Variants in MATCAP2 observed in about 807,000 individuals in gnomAD.
MATCAP2 encodes the protein microtubule associated tyrosine carboxypeptidase 2, also known as putative tyrosine carboxypeptidase MATCAP2.
the MATCAP2 span, chr7:36,336,421 G>T: frequency 1.3e-6 from 1 of 796,414 alleles, no homozygotes; most frequent in Non-Finnish European, 1.9e-6. Context: ...AACTGCAACT[G>T]AAGTGCCAAA....
chr7:36,368,726 C>A, the MATCAP2 span, among the ~76,000 whole-genome samples: 1 of 152,196 alleles, frequency 6.6e-6, no homozygotes, highest in African/African-American at 2.4e-5. Context: ...CTCCTGTCAC[C>A]TCTTTGATCT....
the MATCAP2 span, among the ~76,000 whole-genome samples, chr7:36,357,883 T>C: frequency 6.6e-6 from 1 of 152,186 alleles, no homozygotes; most frequent in African/African-American, 2.4e-5. Flanking sequence ...ATAAATAATC[T>C]GAATACTTGA....
At chr7:36,331,539 A>G in the MATCAP2 span, among the ~76,000 whole-genome samples, 10 of 152,202 alleles carry the variant, frequency 6.6e-5, no homozygotes, top group African/African-American at 2.4e-4. Context: ...AACTCCTGGT[A>G]TTTAGAATAT....
At chr7:36,359,233 T>G in the MATCAP2 span, among the ~76,000 whole-genome samples, 1 of 152,196 alleles carries the variant, frequency 6.6e-6, no homozygotes, top group Non-Finnish European at 1.5e-5. Context: ...TAGAGACATT[T>G]TGGTTGTCAC....
the MATCAP2 span, among the ~76,000 whole-genome samples, chr7:36,353,363 T>A: frequency 7.2e-5 from 11 of 152,190 alleles, no homozygotes; most frequent in Admixed American, 2.0e-4. Flanking sequence ...GAGAGTAAGC[T>A]GTTCATGAAA....
chr7:36,367,940 C>T, the MATCAP2 span, among the ~76,000 whole-genome samples: 2 of 151,884 alleles, frequency 1.3e-5, no homozygotes, highest in African/African-American at 4.8e-5. Flanking sequence ...TGGCACACTT[C>T]TGTAGTCCCA....
the MATCAP2 span, among the ~76,000 whole-genome samples, chr7:36,360,685 T>C: frequency 5.3e-5 from 8 of 152,196 alleles, no homozygotes; most frequent in African/African-American, 9.6e-5. Context: ...ACCTAAGAGA[T>C]TGTTTTTGTA....
chr7:36,343,817 T>C, the MATCAP2 span, among the ~76,000 whole-genome samples: 1 of 151,824 alleles, frequency 6.6e-6, no homozygotes, highest in Non-Finnish European at 1.5e-5. Flanking sequence ...ATATGGCTAA[T>C]ATGAAGTCTG....
At chr7:36,343,563 G>A in the MATCAP2 span, among the ~76,000 whole-genome samples, 4 of 58,330 alleles carry the variant, frequency 6.9e-5, no homozygotes, top group Non-Finnish European at 1.4e-4. Context: ...GGAAGGGAAG[G>A]GAGAGGGAGA....
the MATCAP2 span, among the ~76,000 whole-genome samples, chr7:36,329,208 A>C: frequency 6.6e-6 from 1 of 152,222 alleles, no homozygotes; most frequent in Non-Finnish European, 1.5e-5. Context: ...AATAATTCTT[A>C]AACTATTCTT....
chr7:36,367,308 A>G, the MATCAP2 span: 1 of 1,008,922 alleles, frequency 9.9e-7, no homozygotes, highest in Non-Finnish European at 1.2e-6. Flanking sequence ...TCGTGCGACG[A>G]AGGCCCGCGG....
chr7:36,352,754 C>T, the MATCAP2 span, among the ~76,000 whole-genome samples: 1 of 151,478 alleles, frequency 6.6e-6, no homozygotes, highest in African/African-American at 2.4e-5. Flanking sequence ...ATTGGTTGAA[C>T]CTGGGAGGCT....
the MATCAP2 span, among the ~76,000 whole-genome samples, chr7:36,383,431 A>G: frequency 6.6e-6 from 1 of 152,246 alleles, no homozygotes; most frequent in African/African-American, 2.4e-5. Flanking sequence ...CATCAATGAT[A>G]GACTAGATAA....
the MATCAP2 span, chr7:36,357,030 A>G: frequency 6.2e-7 from 1 of 1,614,118 alleles, no homozygotes; most frequent in Non-Finnish European, 8.5e-7. Context: ...TCTTTCTCTA[A>G]GTTGGTGGGT....
chr7:36,341,209 A>T, the MATCAP2 span, among the ~76,000 whole-genome samples: 1 of 152,200 alleles, frequency 6.6e-6, no homozygotes, highest in African/African-American at 2.4e-5. Context: ...GCACATGGGT[A>T]ACACTTTTAG....
At chr7:36,336,176 A>C in the MATCAP2 span, 2 of 1,536,352 alleles carry the variant, frequency 1.3e-6, no homozygotes, top group Non-Finnish European at 1.7e-6. Flanking sequence ...GCCTTCCTTC[A>C]TCATGTACTT....
chr7:36,371,181 C>T, the MATCAP2 span, among the ~76,000 whole-genome samples: 173 of 152,150 alleles, frequency 1.1e-3, no homozygotes, highest in South Asian at 2.3e-3. Context: ...TCATGGTTCA[C>T]TGGAGCTTCA....
At chr7:36,357,679 C>A in the MATCAP2 span, 2 of 950,946 alleles carry the variant, frequency 2.1e-6, no homozygotes, top group Non-Finnish European at 3.1e-6. Context: ...TCTGAAGATT[C>A]TATAAACTTC....
At chr7:36,341,606 A>C in the MATCAP2 span, among the ~76,000 whole-genome samples, 1 of 152,194 alleles carries the variant, frequency 6.6e-6, no homozygotes, top group Non-Finnish European at 1.5e-5. Context: ...GCCTTTATAA[A>C]AGAGGCCCCA....
Sources: allele counts gnomAD v4.1 joint callset (sites outside exome capture counted in the v4.1 genomes callset), GRCh38; gene constraint gnomAD v4.1.1; transcripts MANE v1.5; gene names NCBI Gene and HGNC (gene_info 2026-07-23, HGNC 2026-07-21).